The following AP3S2 variants were observed in gnomAD, a reference collection of about 807,000 sequenced individuals.
AP3S2 encodes the protein AP-3 complex subunit sigma-2.
AP3S2 carries 22 observed loss-of-function variants against 23.4 expected under a neutral mutation model. The observed-to-expected ratio is 0.94, with a 90% CI of 0.67 to 1.34. The LOEUF is 1.34. Ranked by LOEUF, AP3S2 falls within the 40% of genes most tolerant of loss-of-function variation. The probability of loss-of-function intolerance (pLI) is 0.00; values close to 1 mark genes in which losing one functional copy is unlikely to be tolerated. For missense variants in AP3S2, 241 were observed against 236.9 expected, an observed-to-expected ratio of 1.02 and a Z score of -0.11; for synonymous variants, 86 against 87.1, an observed-to-expected ratio of 0.99 and a Z score of 0.07.
intron 3 of AP3S2, among the ~76,000 whole-genome samples, chr15:89,888,170 A>C (rs1337999125): frequency 6.6e-6 from 1 of 152,210 alleles, no homozygotes; most frequent in African/African-American, 2.4e-5. Flanking sequence ...TCTCACATAT[A>C]AAACGATGAA....
intron 4 of AP3S2, among the ~76,000 whole-genome samples, chr15:89,861,409 T>C (rs934109024): frequency 6.6e-6 from 1 of 152,176 alleles, no homozygotes. Context: ...AAATCCAGCT[T>C]TGCTATTAGA....
At chr15:89,877,249 G>T in intron 3 of AP3S2, 1 of 1,127,160 alleles carries the variant, frequency 8.9e-7, no homozygotes, top group South Asian at 1.2e-5. Context: ...AAGAGGAACG[G>T]GATTGGGTTT....
chr15:89,873,961 G>A (rs1017141441), intron 3 of AP3S2, among the ~76,000 whole-genome samples: 2 of 138,652 alleles, frequency 1.4e-5, no homozygotes, highest in African/African-American at 5.4e-5. Context: ...GAACACTGCA[G>A]CCTCAGCCTC....
chr15:89,878,943 T>C (rs1896506805), intron 3 of AP3S2, among the ~76,000 whole-genome samples: 1 of 152,238 alleles, frequency 6.6e-6, no homozygotes, highest in African/African-American at 2.4e-5. Flanking sequence ...AGACGAGGTT[T>C]CACCATGTTA....
intron 3 of AP3S2, among the ~76,000 whole-genome samples, chr15:89,882,366 CTT>C (rs781506231): frequency 4.2e-5 from 6 of 142,620 alleles, no homozygotes; most frequent in African/African-American, 5.1e-5. Flanking sequence ...TTGACCTACT[CTT>C]TTTTTTTTTT....
intron 3 of AP3S2, among the ~76,000 whole-genome samples, chr15:89,871,808 T>G (rs1226960349): frequency 6.6e-6 from 1 of 152,074 alleles, no homozygotes; most frequent in Non-Finnish European, 1.5e-5. Context: ...CTTTCCCCCT[T>G]TATAAGATGC....
chr15:89,887,740 G>A (rs142339397), intron 3 of AP3S2, among the ~76,000 whole-genome samples: 10 of 152,262 alleles, frequency 6.6e-5, no homozygotes, highest in African/African-American at 1.7e-4. Flanking sequence ...GCATGATCTC[G>A]GCTCACTGCA....
At chr15:89,866,791 T>G (rs1410695150) in intron 4 of AP3S2, among the ~76,000 whole-genome samples, 1 of 152,064 alleles carries the variant, frequency 6.6e-6, no homozygotes, top group Non-Finnish European at 1.5e-5. Context: ...TATAAGCAGC[T>G]GGCACACAAA....
rs1895061935 is a variant in AP3S2 at position 89,830,809 on chromosome 15, T to TG, written c.*4705dup. 2.0e-5 allele frequency: 3 copies of TG among 152,416 alleles called. No individual in the cohort carries two copies. In the South Asian group the frequency reaches 6.2e-4, roughly 32 times the overall value. 9.4% of individuals were successfully genotyped at this position (152,416 alleles called of 1,614,324 possible). Reference sequence around the variant, plus strand: ...GAGCAAGGGCGGGCAGTGCCAGGGCTGGGGTGCCACTGTACAGGGTGATGG... The same window carrying TG: ...GAGCAAGGGCGGGCAGTGCCAGGGCTGGGGGTGCCACTGTACAGGGTGATGG... On this transcript the variant is annotated 3_prime_UTR_variant, in exon 6 of 6. Transcript: ENST00000336418.
At chr15:89,864,925 G>A (rs1044651443) in intron 4 of AP3S2, among the ~76,000 whole-genome samples, 7 of 152,102 alleles carry the variant, frequency 4.6e-5, no homozygotes, top group African/African-American at 1.7e-4. Flanking sequence ...CACTAGAGAG[G>A]ACCTCCTAAT....
intron 4 of AP3S2, among the ~76,000 whole-genome samples, chr15:89,868,030 G>A (rs1229416708): frequency 7.2e-6 from 1 of 138,386 alleles, no homozygotes; most frequent in African/African-American, 2.7e-5. Flanking sequence ...CCGTCCAGGA[G>A]GTGAGGGGCG....
Position 89,835,336 on chromosome 15 carries a change from A to C in AP3S2, c.*179T>G. 1 of 1,071,974 alleles carries C rather than the reference A, an allele frequency of 9.3e-7. No homozygotes were observed. Among genetic ancestry groups the C allele is most frequent in the Non-Finnish European group, 1.3e-6 (1 of 756,704 alleles). The allele number at this position is 1,071,974 out of a possible 1,614,324, so 66.4% of individuals were successfully genotyped here. A position where few individuals can be genotyped will look rare whatever the true frequency, so the allele number is the denominator to read the frequency against. ...CACATGTGAGAACTGGGTGCACCCG[A>C]GCAGTGTCAATAGGAATCCCTTCCC... On this transcript the variant is annotated 3_prime_UTR_variant, in exon 6 of 6. Transcript: ENST00000336418.
chr15:89,863,186 T>C (rs1016203784), intron 4 of AP3S2, among the ~76,000 whole-genome samples: 6 of 151,766 alleles, frequency 4.0e-5, no homozygotes, highest in African/African-American at 1.5e-4. Flanking sequence ...GATTTGAAAA[T>C]TGGGAAATCA....
intron 4 of AP3S2, among the ~76,000 whole-genome samples, chr15:89,868,989 G>C (rs1896244343): frequency 6.7e-6 from 1 of 148,950 alleles, no homozygotes; most frequent in Non-Finnish European, 1.5e-5. Flanking sequence ...CCGTCCGGGA[G>C]GTGAGGGGCG....
intron 3 of AP3S2, among the ~76,000 whole-genome samples, chr15:89,872,198 C>T (rs527914939): frequency 6.6e-6 from 1 of 151,804 alleles, no homozygotes; most frequent in South Asian, 2.1e-4. Flanking sequence ...ATACTATGTC[C>T]TCAATGAATA....
At chr15:89,873,206 T>C (rs1896359913) in intron 3 of AP3S2, among the ~76,000 whole-genome samples, 1 of 152,194 alleles carries the variant, frequency 6.6e-6, no homozygotes, top group South Asian at 2.1e-4. Flanking sequence ...ATTATTTTGT[T>C]GAGAATTCCC....
chr15:89,856,339 G>T (rs953556319), intron 4 of AP3S2, among the ~76,000 whole-genome samples: 6 of 152,170 alleles, frequency 3.9e-5, no homozygotes, highest in Admixed American at 1.3e-4. Context: ...GAGGAGGATG[G>T]ATCACTCGAG....
intron 3 of AP3S2, chr15:89,878,382 GA>G: frequency 1.8e-6 from 1 of 568,984 alleles, no homozygotes; most frequent in Non-Finnish European, 3.1e-6. Context: ...ATACAATTAG[GA>G]AAAAATCTAA....
rs1262482249 is a variant in AP3S2, at chr15:89,855,017, TGG to T, written c.345+16456_345+16457del. On this transcript the variant is annotated intron_variant, in intron 4 of 5. Coordinates refer to ENST00000336418, the MANE Select transcript of AP3S2 (RefSeq NM_005829.5). ...CCCTCTGCCCGGCCACCACCCCGTC[TGG>T]GAGGTGTGCCCAACAGCTCATTGAG... Among the ~76,000 whole-genome samples, 107 of 126,342 alleles carry T rather than the reference TGG, an allele frequency of 8.5e-4. 1 individual carries two copies. The highest frequency in any genetic ancestry group is 1.2e-3 in the Non-Finnish European group (70 of 59,862). 82.9% of individuals were successfully genotyped at this position (126,342 alleles called of 152,430 possible).
Sources: allele counts gnomAD v4.1 joint callset (sites outside exome capture counted in the v4.1 genomes callset), GRCh38; gene constraint gnomAD v4.1.1; transcripts MANE v1.5; gene names NCBI Gene and HGNC (gene_info 2026-07-23, HGNC 2026-07-21).